The following OSBPL1A variants were observed in gnomAD, a reference collection of about 807,000 sequenced individuals.
The protein encoded by OSBPL1A is oxysterol binding protein like 1A.
OSBPL1A carries 80 observed loss-of-function variants against 137.1 expected under a neutral mutation model. The ratio of observed to expected loss-of-function variants is 0.58; its 90% CI spans 0.49 to 0.70. The LOEUF is 0.70. OSBPL1A is among the 30% of genes least tolerant of loss of function. The pLI, the probability that OSBPL1A is intolerant of heterozygous loss-of-function variation, is 0.00. For synonymous variants in OSBPL1A, 365 were observed against 389.7 expected (o/e 0.94, Z 0.75); for missense variants, 970 against 1,129.4 (o/e 0.86, Z 2.02).
chr18:24,234,527 G>T (rs867362994), intron 16 of OSBPL1A, among the ~76,000 whole-genome samples: 6 of 140,410 alleles, frequency 4.3e-5, no homozygotes, highest in Admixed American at 3.5e-4. Flanking sequence ...GCGATCCCAG[G>T]GGGGACGCCA....
intron 16 of OSBPL1A, 51 bp downstream of exon 16, chr18:24,239,169 G>A: frequency 3.8e-6 from 6 of 1,591,266 alleles, no homozygotes; most frequent in Non-Finnish European, 5.1e-6. Flanking sequence ...GCTCATTTAG[G>A]TGGTGGACTC....
intron 15 of OSBPL1A, among the ~76,000 whole-genome samples, chr18:24,263,500 C>A (rs1372119634): frequency 6.6e-6 from 1 of 152,176 alleles, no homozygotes; most frequent in African/African-American, 2.4e-5. Context: ...AACACACCAA[C>A]AAAACCCCAA....
intron 18 of OSBPL1A, among the ~76,000 whole-genome samples, chr18:24,186,687 C>T (rs994109730): frequency 5.3e-5 from 8 of 151,914 alleles, no homozygotes; most frequent in African/African-American, 1.7e-4. Context: ...GGGTGGATCA[C>T]GAGGTCAGGA....
chr18:24,243,477 C>T (rs1019877278), intron 15 of OSBPL1A, among the ~76,000 whole-genome samples: 4 of 152,106 alleles, frequency 2.6e-5, no homozygotes, highest in South Asian at 2.1e-4. Context: ...TCCTATTTAA[C>T]GAGTACATAC....
intron 7 of OSBPL1A, among the ~76,000 whole-genome samples, chr18:24,322,386 G>T (rs1226060881): frequency 6.6e-6 from 1 of 151,918 alleles, no homozygotes; most frequent in Non-Finnish European, 1.5e-5. Flanking sequence ...CTCCCAAAGT[G>T]TTGGGATTAC....
intron 21 of OSBPL1A, among the ~76,000 whole-genome samples, chr18:24,173,899 C>T (rs528906871): frequency 6.6e-6 from 1 of 152,334 alleles, no homozygotes; most frequent in South Asian, 2.1e-4. Context: ...TTCTCCACTC[C>T]TAATCCCTGG....
chr18:24,376,425 A>T (rs973970608), intron 2 of OSBPL1A, among the ~76,000 whole-genome samples: 1 of 152,214 alleles, frequency 6.6e-6, no homozygotes, highest in Admixed American at 6.5e-5. Flanking sequence ...CTTGAGCTAG[A>T]TACAGAGTGC....
At chr18:24,260,369 A>G (rs1380968860) in intron 15 of OSBPL1A, among the ~76,000 whole-genome samples, 1 of 152,260 alleles carries the variant, frequency 6.6e-6, no homozygotes, top group Non-Finnish European at 1.5e-5. Flanking sequence ...AAACATTCAC[A>G]GCATTACTAT....
At chr18:24,249,109 A>G (rs1189359666) in intron 15 of OSBPL1A, among the ~76,000 whole-genome samples, 1 of 152,224 alleles carries the variant, frequency 6.6e-6, no homozygotes, top group Admixed American at 6.5e-5. Context: ...TTGCTCTTCA[A>G]CTGCAAAGTT....
intron 22 of OSBPL1A, among the ~76,000 whole-genome samples, 189 bp from the exon 23 acceptor site, chr18:24,171,687 G>A (rs1599429159): frequency 6.6e-6 from 1 of 152,270 alleles, no homozygotes; most frequent in African/African-American, 2.4e-5. Context: ...AGGTATGTGA[G>A]GGGCAGAAAG....
At chr18:24,302,848 G>A (rs117510881) in intron 14 of OSBPL1A, 1 of 152,290 alleles carries the variant, frequency 6.6e-6, no homozygotes, top group East Asian at 1.9e-4. Flanking sequence ...AAGCATAAAA[G>A]GCCAAGGCCT....
At chr18:24,283,656 C>G (rs1319927867) in intron 14 of OSBPL1A, among the ~76,000 whole-genome samples, 2 of 151,936 alleles carry the variant, frequency 1.3e-5, no homozygotes, top group Non-Finnish European at 2.9e-5. Context: ...GGAGATGTAC[C>G]AGGAGAAACA....
intron 15 of OSBPL1A, among the ~76,000 whole-genome samples, chr18:24,243,947 T>C (rs914453168): frequency 1.2e-4 from 19 of 152,254 alleles, no homozygotes; most frequent in Admixed American, 4.6e-4. Flanking sequence ...GAAAGCATGC[T>C]TAAGTGCCAT....
intron 11 of OSBPL1A, among the ~76,000 whole-genome samples, chr18:24,316,299 CA>C (rs1397956138): frequency 1.3e-5 from 2 of 151,838 alleles, no homozygotes; most frequent in Non-Finnish European, 2.9e-5. Flanking sequence ...ACCAAACCCA[CA>C]ATTACCTGAC....
chr18:24,193,754 C>T (rs1289146225), intron 18 of OSBPL1A, among the ~76,000 whole-genome samples: 1 of 152,188 alleles, frequency 6.6e-6, no homozygotes, highest in African/African-American at 2.4e-5. Flanking sequence ...TCCCCTGAAG[C>T]TCTCTCTCTA....
At chr18:24,212,099 C>T (rs1328918865) in intron 17 of OSBPL1A, among the ~76,000 whole-genome samples, 2 of 150,198 alleles carry the variant, frequency 1.3e-5, no homozygotes, top group Non-Finnish European at 3.0e-5. Flanking sequence ...GAGATAGTCT[C>T]GCTCTCTTGC....
At chr18:24,246,008 A>C (rs557568476) in intron 15 of OSBPL1A, among the ~76,000 whole-genome samples, 10 of 151,884 alleles carry the variant, frequency 6.6e-5, no homozygotes, top group Non-Finnish European at 1.0e-4. Flanking sequence ...TCAGGAGTTC[A>C]AGACCAGCCT....
chr18:24,300,073 C>CAAAA (rs1182765897), intron 14 of OSBPL1A, among the ~76,000 whole-genome samples: 5 of 152,150 alleles, frequency 3.3e-5, no homozygotes, highest in Admixed American at 1.3e-4. Context: ...TTTGTTTTTG[C>CAAAA]AACCAGGCTT....
intron 17 of OSBPL1A, among the ~76,000 whole-genome samples, chr18:24,221,994 G>A (rs1020314822): frequency 3.3e-5 from 5 of 152,068 alleles, no homozygotes; most frequent in Non-Finnish European, 5.9e-5. Flanking sequence ...CTACGGCGAC[G>A]ATGTCATCAT....
Sources: gnomAD v4.1 joint callset for allele counts (sites outside exome capture counted in the v4.1 genomes callset) on GRCh38, gnomAD v4.1.1 for gene constraint, MANE v1.5 for transcripts, NCBI Gene and HGNC (gene_info 2026-07-23, HGNC 2026-07-21) for gene names.